The following HSPA4L variants were observed in gnomAD, a reference collection of about 807,000 sequenced individuals.
The protein encoded by HSPA4L is heat shock 70 kDa protein 4L.
HSPA4L carries 48 observed loss-of-function variants against 100.3 expected under a neutral mutation model. That is an observed-to-expected ratio of 0.48 (90% CI 0.38 to 0.61). HSPA4L has a LOEUF of 0.61. HSPA4L is among the 20% of genes least tolerant of loss of function. The pLI is 0.00. For missense variants in HSPA4L, 886 were observed against 988.6 expected, an observed-to-expected ratio of 0.90 and a Z score of 1.39; for synonymous variants, 319 against 328.2, an observed-to-expected ratio of 0.97 and a Z score of 0.30.
Position 127,803,798 on chromosome 4 carries a change from G to A in HSPA4L, c.833G>A (p.Ser278Asn), listed in dbSNP as rs577001640. The change falls in exon 7 of 19, where the codon AGT (serine) becomes AAT (asparagine). Residue 278 changes from serine to asparagine, a missense_variant. Ser to Asn is a conservative substitution (Grantham distance 46). Coordinates refer to ENST00000296464, the MANE Select transcript of HSPA4L (RefSeq NM_014278.4). Reference protein sequence around the residue: ...QECEKLKKLMSANASDLPLNI... With the variant: ...QECEKLKKLMNANASDLPLNI... ...TGTGAAAAACTAAAGAAGCTAATGA[G>A]TGCAAATGCATCAGATCTTCCATTG... is the stretch of plus-strand genomic sequence containing the variant. 2 of 1,613,906 alleles carry A rather than the reference G, an allele frequency of 1.2e-6. No homozygotes were observed. The highest frequency in any genetic ancestry group is 1.1e-5 in the South Asian group (1 of 91,088).
chr4:127,782,629 G>A lies in HSPA4L; in HGVS notation c.79G>A (p.Ala27Thr). The change falls in exon 1 of 19, where the codon GCC becomes ACC. Residue 27 changes from alanine (A) to threonine (T), a missense_variant. Coordinates refer to ENST00000296464, the MANE Select transcript of HSPA4L (RefSeq NM_014278.4). ...VARSGGIETIANEYSDRCTPA... is the reference protein window; with the variant it reads ...VARSGGIETITNEYSDRCTPA... ...GAGAAGTGGCGGCATCGAGACCATC[G>A]CCAATGAGTACAGCGACAGGTGTAC... 1 of 1,613,526 alleles carries A rather than the reference G, an allele frequency of 6.2e-7. No homozygotes were observed. Among genetic ancestry groups the A allele is most frequent in the Non-Finnish European group, 8.5e-7 (1 of 1,179,782 alleles).
intron 4 of HSPA4L, among the ~76,000 whole-genome samples, chr4:127,799,763 A>C (rs1337420789): frequency 6.6e-6 from 1 of 152,164 alleles, no homozygotes; most frequent in Non-Finnish European, 1.5e-5. Context: ...GACCCATTGT[A>C]AGCTCTACAG....
upstream of HSPA4L, chr4:127,782,270 G>C (rs1732575262): frequency 4.5e-6 from 2 of 442,468 alleles, no homozygotes; most frequent in Non-Finnish European, 8.3e-6. Context: ...CCGGGCAGCC[G>C]AGCGCGCAGG....
intron 2 of HSPA4L, among the ~76,000 whole-genome samples, 168 bp from the exon 3 acceptor site, chr4:127,795,600 A>C (rs368438860): frequency 6.6e-6 from 1 of 152,162 alleles, no homozygotes; most frequent in South Asian, 2.1e-4. Flanking sequence ...GTACATTCTC[A>C]TTGTATGACT....
chr4:127,805,986 A>G (rs1046029952), intron 10 of HSPA4L, among the ~76,000 whole-genome samples, 193 bp downstream of exon 10: 1 of 152,028 alleles, frequency 6.6e-6, no homozygotes, highest in African/African-American at 2.4e-5. Flanking sequence ...TATGTTTTTT[A>G]TAAAAGTAAA....
chr4:127,811,656 C>G lies in HSPA4L; in HGVS notation c.1578+20C>G. On this transcript the variant is annotated intron_variant, in intron 12 of 18. Transcript: ENST00000296464. Reference sequence around the variant, plus strand: ...AATATGGTATGTAGAAATTCTTTCTCAATGTTCTTGTAATAGATAGTGTAT... The same window carrying G: ...AATATGGTATGTAGAAATTCTTTCTGAATGTTCTTGTAATAGATAGTGTAT... 6.4e-7 allele frequency: 1 copy of G among 1,555,960 alleles called. No individual in the cohort carries two copies. Among genetic ancestry groups the G allele is most frequent in the Non-Finnish European group, 8.8e-7 (1 of 1,136,534 alleles).
rs1734196618 is a variant in HSPA4L at position 127,835,937 on chromosome 4, C to G, written c.*3063C>G. ...TGTCTCTAAAAAAATAAAAACTTAG[C>G]AAGGCATGGTGGTGCACACCTGTAG... On this transcript the variant is annotated 3_prime_UTR_variant, in exon 19 of 19. Transcript: ENST00000296464. 1.3e-5 allele frequency: 2 copies of G among 152,480 alleles called. No individual in the cohort carries two copies. The highest frequency in any genetic ancestry group is 2.4e-5 in the African/African-American group (1 of 41,438). The allele number at this position is 152,480 out of a possible 1,614,324, so 9.4% of individuals were successfully genotyped here.
intron 1 of HSPA4L, among the ~76,000 whole-genome samples, chr4:127,789,099 A>G (rs544156187): frequency 6.6e-6 from 1 of 152,316 alleles, no homozygotes; most frequent in East Asian, 1.9e-4. Flanking sequence ...ATTTTCTCCA[A>G]CCTAATTACG....
At chr4:127,828,425 T>C (rs1734001819) in intron 17 of HSPA4L, among the ~76,000 whole-genome samples, 1 of 152,140 alleles carries the variant, frequency 6.6e-6, no homozygotes, top group African/African-American at 2.4e-5. Context: ...AAGTTAATGC[T>C]ATTATCTTTA....
At chr4:127,784,954 A>G (rs1054069629) in intron 1 of HSPA4L, among the ~76,000 whole-genome samples, 8 of 152,240 alleles carry the variant, frequency 5.3e-5, no homozygotes, top group Admixed American at 2.6e-4. Flanking sequence ...AATACATTAT[A>G]AAATGATCCT....
intron 18 of HSPA4L, among the ~76,000 whole-genome samples, chr4:127,831,024 A>C (rs1734066494): frequency 6.6e-6 from 1 of 152,158 alleles, no homozygotes; most frequent in African/African-American, 2.4e-5. Flanking sequence ...ATACAGAATG[A>C]AATAAAAGCA....
intron 1 of HSPA4L, among the ~76,000 whole-genome samples, chr4:127,783,057 C>A (rs1732611757): frequency 6.6e-6 from 1 of 152,176 alleles, no homozygotes; most frequent in Non-Finnish European, 1.5e-5. Context: ...TTATCGGCCC[C>A]GCGCCAGCTG....
At chr4:127,795,447 T>C (rs952387742) in intron 2 of HSPA4L, among the ~76,000 whole-genome samples, 8 of 152,136 alleles carry the variant, frequency 5.3e-5, no homozygotes, top group African/African-American at 1.9e-4. Flanking sequence ...GAGCAAAAGC[T>C]CGAGGAAAAC....
chr4:127,806,816 A>G (rs1284460213), intron 10 of HSPA4L, among the ~76,000 whole-genome samples: 1 of 151,974 alleles, frequency 6.6e-6, no homozygotes, highest in African/African-American at 2.4e-5. Flanking sequence ...TCTGTACATA[A>G]GTACCCCCAA....
chr4:127,808,691 G>C (rs1290176117), intron 11 of HSPA4L, among the ~76,000 whole-genome samples: 1 of 152,076 alleles, frequency 6.6e-6, no homozygotes, highest in Non-Finnish European at 1.5e-5. Flanking sequence ...AGAGAGACCT[G>C]GGACCAATAC....
In HSPA4L at chr4:127,839,550, G is replaced by C. The variant is rs1466634085; in HGVS notation, c.*6676G>C. The C allele has an allele frequency of 6.6e-6, 1 of 151,806 alleles. No homozygotes were observed. The highest frequency in any genetic ancestry group is 6.6e-5 in the Admixed American group (1 of 15,214). The allele number at this position is 151,806 out of a possible 1,614,324, so 9.4% of individuals were successfully genotyped here. On this transcript the variant is annotated 3_prime_UTR_variant, in exon 19 of 19. Transcript: ENST00000296464. Reference sequence around the variant, plus strand: ...ATTTCTAAAATAGAAAAATTTAGCCGGGTGTGGTGGTGTGTGCCTATAGTC... The same window carrying C: ...ATTTCTAAAATAGAAAAATTTAGCCCGGTGTGGTGGTGTGTGCCTATAGTC...
At chr4:127,800,321 A>T (rs1288216948) in intron 4 of HSPA4L, among the ~76,000 whole-genome samples, 2 of 151,952 alleles carry the variant, frequency 1.3e-5, no homozygotes, top group Non-Finnish European at 2.9e-5. Context: ...TTTTTTAACT[A>T]GCCAGGCATG....
intron 12 of HSPA4L, among the ~76,000 whole-genome samples, chr4:127,814,575 CT>C (rs988514510): frequency 5.4e-5 from 8 of 149,172 alleles, no homozygotes; most frequent in Non-Finnish European, 7.5e-5. Context: ...GCACTTTTTA[CT>C]TTTTTTTTTG....
intron 16 of HSPA4L, among the ~76,000 whole-genome samples, chr4:127,825,139 C>CAA (rs879803466): frequency 8.6e-6 from 1 of 116,284 alleles, no homozygotes; most frequent in Non-Finnish European, 1.8e-5. Flanking sequence ...GACTCCATCT[C>CAA]AAAAAAAAAA....
Sources: allele counts gnomAD v4.1 joint callset (sites outside exome capture counted in the v4.1 genomes callset), GRCh38; gene constraint gnomAD v4.1.1; transcripts MANE v1.5; gene names NCBI Gene and HGNC (gene_info 2026-07-23, HGNC 2026-07-21).